Variants in TMPRSS15 observed in about 807,000 individuals in gnomAD.
TMPRSS15 encodes transmembrane serine protease 15, also known as enteropeptidase.
TMPRSS15 carries 128 observed loss-of-function variants against 125.3 expected under a neutral mutation model. That is an observed-to-expected ratio of 1.02 (90% CI 0.89 to 1.18). TMPRSS15 has a LOEUF of 1.18. Among genes scored for constraint, TMPRSS15 ranks in the 50% most tolerant of loss-of-function variants. TMPRSS15 has a pLI of 0.00. For synonymous variants in TMPRSS15, 446 were observed against 423.2 expected (o/e 1.05, Z -0.66); for missense variants, 1,283 against 1,212.7 (o/e 1.06, Z -0.86).
At chr21:18,363,334 A>C (rs1313916226) in intron 7 of TMPRSS15, among the ~76,000 whole-genome samples, 1 of 152,126 alleles carries the variant, frequency 6.6e-6, no homozygotes, top group African/African-American at 2.4e-5. Context: ...TAATGGAAAG[A>C]AACTAAAAAC....
intron 21 of TMPRSS15, among the ~76,000 whole-genome samples, chr21:18,286,170 C>T (rs1168627445): frequency 6.6e-6 from 1 of 152,142 alleles, no homozygotes; most frequent in Non-Finnish European, 1.5e-5. Context: ...TCATTTCACT[C>T]TCCGTTCCTC....
intron 1 of TMPRSS15, among the ~76,000 whole-genome samples, chr21:18,402,244 CACAATGGAAAGAT>C (rs1432964752): frequency 6.6e-6 from 1 of 151,868 alleles, no homozygotes; most frequent in Non-Finnish European, 1.5e-5. Flanking sequence ...TAAAATCACT[CACAATGGAAAGAT>C]ACGGTGGCTC....
chr21:18,290,335 A>G (rs2144204), intron 21 of TMPRSS15, among the ~76,000 whole-genome samples: 53,071 of 116,278 alleles, frequency 0.46, 11,259 homozygotes, highest in East Asian at 0.55. Context: ...TACAGAAATA[A>G]CTGAAATTAG....
At position 18,340,899 on chromosome 21, in the gene TMPRSS15, C is replaced by G. The variant is rs372371543; in HGVS notation, c.1564+514G>C. 3.9e-5 allele frequency among the ~76,000 whole-genome samples: 6 copies of G among 152,150 alleles called. No individual in the cohort carries two copies. In the South Asian group the frequency reaches 1.0e-3, roughly 26 times the overall value. On this transcript the variant is annotated intron_variant, in intron 13 of 24. Transcript: ENST00000284885. ...AAATGATCATTAATATGCTCAATAA[C>G]GAAGAGTGGTTTTCATTGTGGATTT...
At chr21:18,402,247 A>G (rs1251697553) in intron 1 of TMPRSS15, among the ~76,000 whole-genome samples, 1 of 152,134 alleles carries the variant, frequency 6.6e-6, no homozygotes, top group East Asian at 1.9e-4. Context: ...AATCACTCAC[A>G]ATGGAAAGAT....
chr21:18,442,910 A>G (rs921708043), intron 1 of TMPRSS15, among the ~76,000 whole-genome samples: 1 of 152,250 alleles, frequency 6.6e-6, no homozygotes, highest in African/African-American at 2.4e-5. Context: ...GGTACCATAC[A>G]TAGAGTTAAT....
chr21:18,352,656 A>G (rs1038948578), intron 10 of TMPRSS15, among the ~76,000 whole-genome samples: 1 of 151,942 alleles, frequency 6.6e-6, no homozygotes, highest in African/African-American at 2.4e-5. Context: ...TCTTGTCTCT[A>G]ATGACCTCTG....
chr21:18,333,270 A>T (rs190384612), intron 13 of TMPRSS15, among the ~76,000 whole-genome samples: 49 of 152,286 alleles, frequency 3.2e-4, no homozygotes, highest in Non-Finnish European at 6.0e-4. Flanking sequence ...TTGGAAAAAA[A>T]AATAGATAAG....
At chr21:18,466,243 C>T (rs182403089) in intron 1 of TMPRSS15, among the ~76,000 whole-genome samples, 22 of 152,094 alleles carry the variant, frequency 1.4e-4, no homozygotes, top group Non-Finnish European at 2.6e-4. Flanking sequence ...CTTCCTTACA[C>T]CTTATACAAA....
At chr21:18,305,877 G>T (rs532486328) in intron 18 of TMPRSS15, among the ~76,000 whole-genome samples, 2 of 152,264 alleles carry the variant, frequency 1.3e-5, no homozygotes, top group African/African-American at 2.4e-5. Context: ...AAACATCAGA[G>T]TTATAATTTG....
At chr21:18,357,946 T>C (rs959667697) in intron 8 of TMPRSS15, among the ~76,000 whole-genome samples, 1 of 151,762 alleles carries the variant, frequency 6.6e-6, no homozygotes, top group Non-Finnish European at 1.5e-5. Flanking sequence ...AATTAAAATA[T>C]TTAATTTTCA....
In TMPRSS15 at chr21:18,398,297, C is replaced by G. The variant is rs756021079; in HGVS notation, c.178G>C (p.Ala60Pro). The G allele has an allele frequency of 6.2e-7, 1 of 1,613,770 alleles. No homozygotes were observed. The highest frequency in any genetic ancestry group is 1.1e-5 in the South Asian group (1 of 91,074). ...ACTCCGGATGTTATTTTAAATGTCG[C>G]TCTGGCTTCATGACTCTGTCCAAGT... is the stretch of plus-strand genomic sequence containing the variant. ...AALGQSHEAR[A>P]TFKITSGVTY... Residue 60 changes from alanine to proline, a missense_variant, in exon 2 of 25, where the codon GCG becomes CCG. Physicochemically the swap from Ala to Pro is conservative, Grantham distance 27. Transcript: ENST00000284885.
intron 1 of TMPRSS15, among the ~76,000 whole-genome samples, chr21:18,467,313 G>T (rs188769475): frequency 6.6e-6 from 1 of 152,000 alleles, no homozygotes; most frequent in Admixed American, 6.6e-5. Flanking sequence ...TGTAGATGAT[G>T]GGTTGATGGT....
chr21:18,421,217 A>G (rs2076191404), intron 1 of TMPRSS15, among the ~76,000 whole-genome samples: 1 of 152,142 alleles, frequency 6.6e-6, no homozygotes, highest in Admixed American at 6.6e-5. Context: ...TCAATCTTCA[A>G]ATATTATGGA....
At chr21:18,470,020 AC>A (rs1390712781) in intron 1 of TMPRSS15, among the ~76,000 whole-genome samples, 1 of 152,054 alleles carries the variant, frequency 6.6e-6, no homozygotes, top group Non-Finnish European at 1.5e-5. Context: ...ATTGTTATTT[AC>A]TTGGGTCTAA....
chr21:18,418,798 T>C (rs1342262517), intron 1 of TMPRSS15, among the ~76,000 whole-genome samples: 1 of 152,228 alleles, frequency 6.6e-6, no homozygotes, highest in East Asian at 1.9e-4. Context: ...AGAAAAGAAA[T>C]GGGCACCTCT....
intron 1 of TMPRSS15, among the ~76,000 whole-genome samples, chr21:18,431,405 G>A (rs2076216250): frequency 6.6e-6 from 1 of 151,980 alleles, no homozygotes; most frequent in Admixed American, 6.6e-5. Context: ...CCTATCCCTT[G>A]ATTCTGGGTC....
intron 1 of TMPRSS15, among the ~76,000 whole-genome samples, chr21:18,414,110 A>G (rs941178383): frequency 9.2e-5 from 14 of 152,194 alleles, no homozygotes; most frequent in African/African-American, 2.7e-4. Flanking sequence ...TAGAATGTTA[A>G]GATATTATTT....
intron 23 of TMPRSS15, among the ~76,000 whole-genome samples, chr21:18,275,557 G>T (rs981424916): frequency 2.0e-5 from 3 of 152,120 alleles, no homozygotes; most frequent in Non-Finnish European, 4.4e-5. Context: ...CTTTTTTACC[G>T]AAGGGCTAGT....
Sources: gnomAD v4.1 joint callset for allele counts (sites outside exome capture counted in the v4.1 genomes callset) on GRCh38, gnomAD v4.1.1 for gene constraint, MANE v1.5 for transcripts, NCBI Gene and HGNC (gene_info 2026-07-23, HGNC 2026-07-21) for gene names.